PODXL: variants seen among roughly 807,000 people sequenced by gnomAD.
PODXL encodes the protein podocalyxin like.
A neutral mutation model predicts 48.9 loss-of-function variants in PODXL; 20 were observed. That is an observed-to-expected ratio of 0.41 (90% CI 0.29 to 0.59). The LOEUF (loss-of-function observed/expected upper bound fraction) is 0.59, where lower values mean the gene tolerates loss of function less well. PODXL is among the 20% of genes least tolerant of loss of function. The pLI, the probability that PODXL is intolerant of heterozygous loss-of-function variation, is 0.31. For missense variants in PODXL, 606 were observed against 675.1 expected, an observed-to-expected ratio of 0.90 and a Z score of 1.13; for synonymous variants, 295 against 287.4, an observed-to-expected ratio of 1.03 and a Z score of -0.27.
intron 1 of PODXL, among the ~76,000 whole-genome samples, chr7:131,522,594 GCAA>G (rs1057175458): frequency 1.3e-5 from 2 of 152,280 alleles, no homozygotes; most frequent in Non-Finnish European, 2.9e-5. Flanking sequence ...GGTATTCATA[GCAA>G]CAACAAATTG....
chr7:131,509,058 G>A, intron 4 of PODXL, 30 bp from the exon 5 acceptor site: 3 of 1,563,522 alleles, frequency 1.9e-6, no homozygotes, highest in East Asian at 2.2e-5. Flanking sequence ...TTAAGGTTTG[G>A]GCTAATAGTC....
rs540554328 is a variant in PODXL at position 131,525,355 on chromosome 7, G to A, written c.101-13922C>T. Among the ~76,000 whole-genome samples, 6 of 148,962 alleles carry A rather than the reference G, an allele frequency of 4.0e-5. No individual in the cohort carries two copies. In the East Asian group the frequency reaches 7.8e-4, roughly 19 times the overall value. ...TGTAATCCCAGCACTTTGGGAGGCCGAGGCGGACAGATCACCTGAGGTCAG... is the reference window on the plus strand; with the variant it reads ...TGTAATCCCAGCACTTTGGGAGGCCAAGGCGGACAGATCACCTGAGGTCAG... On this transcript the variant is annotated intron_variant, in intron 1 of 8. Coordinates refer to ENST00000378555, the MANE Select transcript of PODXL (RefSeq NM_001018111.3).
At chr7:131,555,160 C>T (rs1367149400) in intron 1 of PODXL, among the ~76,000 whole-genome samples, 1 of 152,132 alleles carries the variant, frequency 6.6e-6, no homozygotes, top group African/African-American at 2.4e-5. Context: ...GAGTCCAGTC[C>T]CAAACTGCCG....
intron 1 of PODXL, among the ~76,000 whole-genome samples, chr7:131,543,088 T>G (rs897931652): frequency 6.6e-6 from 1 of 152,192 alleles, no homozygotes; most frequent in Non-Finnish European, 1.5e-5. Flanking sequence ...CAAATGTATG[T>G]TTTGAAGCCA....
intron 1 of PODXL, among the ~76,000 whole-genome samples, chr7:131,516,406 G>A (rs1797996754): frequency 6.6e-6 from 1 of 152,166 alleles, no homozygotes; most frequent in South Asian, 2.1e-4. Flanking sequence ...GGGCGTGTTG[G>A]CGCATGCCTG....
chr7:131,552,931 C>T (rs966747889), intron 1 of PODXL, among the ~76,000 whole-genome samples: 2 of 152,142 alleles, frequency 1.3e-5, no homozygotes, highest in Admixed American at 1.3e-4. Context: ...GGACTACAGG[C>T]GTGTGCCACT....
intron 1 of PODXL, among the ~76,000 whole-genome samples, chr7:131,517,791 T>A (rs1396719614): frequency 6.6e-6 from 1 of 151,440 alleles, no homozygotes; most frequent in Non-Finnish European, 1.5e-5. Flanking sequence ...CAGGCTGGAG[T>A]ACAATGGCGC....
chr7:131,500,576 T>A lies in PODXL; in HGVS notation c.*3735A>T, dbSNP rs1352612763. On this transcript the variant is annotated 3_prime_UTR_variant, in exon 9 of 9. Coordinates refer to ENST00000378555, the MANE Select transcript of PODXL (RefSeq NM_001018111.3). ...CTATGCTACAGTTTTACTCTTGCCC[T>A]CTCTGCCTCCCCCATCATGTTTCCT... is the stretch of plus-strand genomic sequence containing the variant. The A allele has an allele frequency of 6.6e-6, 1 of 152,306 alleles. No homozygotes were observed. Among genetic ancestry groups the A allele is most frequent in the East Asian group, 1.9e-4 (1 of 5,200 alleles). 9.4% of individuals were successfully genotyped at this position (152,306 alleles called of 1,614,324 possible).
intron 1 of PODXL, among the ~76,000 whole-genome samples, chr7:131,529,240 C>T (rs942536411): frequency 2.0e-5 from 3 of 152,024 alleles, no homozygotes; most frequent in Non-Finnish European, 4.4e-5. Context: ...TACATCACAG[C>T]AGGGTAGAAA....
chr7:131,547,925 G>C (rs1040602445), intron 1 of PODXL, among the ~76,000 whole-genome samples: 1 of 152,232 alleles, frequency 6.6e-6, no homozygotes. Flanking sequence ...TCTGAGGTGA[G>C]AGGGAGAGAT....
In PODXL at chr7:131,509,604, G is replaced by C; in HGVS notation, c.803-19C>G. The C allele has an allele frequency of 6.7e-7, 1 of 1,493,704 alleles. No individual in the cohort carries two copies. Among genetic ancestry groups the C allele is most frequent in the Non-Finnish European group, 9.0e-7 (1 of 1,110,130 alleles). 92.5% of individuals were successfully genotyped at this position (1,493,704 alleles called of 1,614,324 possible). A position where few individuals can be genotyped will look rare whatever the true frequency, so the allele number is the denominator to read the frequency against. The stretch of plus-strand genomic sequence containing the variant: ...GATGACGCTGTCATTGGGAAAACGA[G>C]GGTAATGAGAAAAGATGAGTGCACC... On this transcript the variant is annotated intron_variant, in intron 3 of 8. Transcript: ENST00000378555.
rs112562916 is a variant in PODXL, at chr7:131,528,814, G to A, written c.101-17381C>T. Among the ~76,000 whole-genome samples, 486 of 152,240 alleles carry A rather than the reference G, an allele frequency of 3.2e-3. 2 individuals are homozygous for A. Among genetic ancestry groups the A allele is most frequent in the African/African-American group, 0.011 (451 of 41,562 alleles). On this transcript the variant is annotated intron_variant, in intron 1 of 8. Transcript: ENST00000378555. Reference sequence around the variant, plus strand: ...AGGAATTTGGGGATATCTTTGTAACGCAAGGATTCTAATGGTGGATTGTTG... The same window carrying A: ...AGGAATTTGGGGATATCTTTGTAACACAAGGATTCTAATGGTGGATTGTTG...
At chr7:131,547,911 C>T (rs1292805608) in intron 1 of PODXL, among the ~76,000 whole-genome samples, 1 of 152,222 alleles carries the variant, frequency 6.6e-6, no homozygotes, top group Non-Finnish European at 1.5e-5. Flanking sequence ...CTGCACTCAC[C>T]TGCTCTGAGG....
chr7:131,534,227 GAGA>G (rs1409839234), intron 1 of PODXL, among the ~76,000 whole-genome samples: 2 of 152,212 alleles, frequency 1.3e-5, no homozygotes, highest in African/African-American at 2.4e-5. Context: ...CTGGGGAGGG[GAGA>G]AGATGAGGCA....
intron 1 of PODXL, among the ~76,000 whole-genome samples, chr7:131,523,698 A>C (rs1289734322): frequency 9.6e-6 from 1 of 103,752 alleles, no homozygotes; most frequent in Admixed American, 7.9e-5. Flanking sequence ...AAAAAAAAAA[A>C]AAAACAAGAA....
chr7:131,516,726 T>C (rs1258663447), intron 1 of PODXL, among the ~76,000 whole-genome samples: 2 of 101,014 alleles, frequency 2.0e-5, no homozygotes, highest in Non-Finnish European at 4.0e-5. Context: ...ACTGTGGTGC[T>C]TTTTTTTCTC....
chr7:131,536,802 T>C (rs1412700697), intron 1 of PODXL, among the ~76,000 whole-genome samples: 1 of 152,180 alleles, frequency 6.6e-6, no homozygotes, highest in African/African-American at 2.4e-5. Flanking sequence ...TTTTAAAAAA[T>C]GTTTCACTAA....
At position 131,500,609 on chromosome 7, in the gene PODXL, T is replaced by C. The variant is rs1797683539; in HGVS notation, c.*3702A>G. 1 of 152,386 alleles carries C rather than the reference T, an allele frequency of 6.6e-6. No homozygotes were observed. The highest frequency in any genetic ancestry group is 2.1e-4 in the South Asian group (1 of 4,834). 9.4% of individuals were successfully genotyped at this position (152,386 alleles called of 1,614,324 possible). A position where few individuals can be genotyped will look rare whatever the true frequency, so the allele number is the denominator to read the frequency against. ...TCCCCCATCATGTTTCCTTGGTCCC[T>C]CAGTCCTGTTGGAGTAAGTTCCATA... is the stretch of plus-strand genomic sequence containing the variant. On this transcript the variant is annotated 3_prime_UTR_variant, in exon 9 of 9. Coordinates refer to ENST00000378555, the MANE Select transcript of PODXL (RefSeq NM_001018111.3).
chr7:131,536,412 G>A (rs1283033701), intron 1 of PODXL, among the ~76,000 whole-genome samples: 1 of 152,140 alleles, frequency 6.6e-6, no homozygotes, highest in Non-Finnish European at 1.5e-5. Flanking sequence ...GCTTCTGTGG[G>A]AGGGACCACG....
Sources: gnomAD v4.1 joint callset for allele counts (sites outside exome capture counted in the v4.1 genomes callset) on GRCh38, gnomAD v4.1.1 for gene constraint, MANE v1.5 for transcripts, NCBI Gene and HGNC (gene_info 2026-07-23, HGNC 2026-07-21) for gene names.